The following TMEM132D variants were observed in gnomAD, a reference collection of about 807,000 sequenced individuals.
TMEM132D encodes mature OL transmembrane protein.
TMEM132D carries 21 observed loss-of-function variants against 62.3 expected under a neutral mutation model. The ratio of observed to expected loss-of-function variants is 0.34; its 90% CI spans 0.24 to 0.49. The LOEUF (loss-of-function observed/expected upper bound fraction) is 0.49, where lower values mean the gene tolerates loss of function less well. Among genes scored for constraint, TMEM132D ranks in the 20% least tolerant of loss-of-function variants. The pLI, the probability that TMEM132D is intolerant of heterozygous loss-of-function variation, is 0.99. For synonymous variants in TMEM132D, 621 were observed against 575.6 expected (o/e 1.08, Z -1.13); for missense variants, 1,346 against 1,402.8 (o/e 0.96, Z 0.65).
chr12:129,328,024 G>C (rs1485171798), intron 4 of TMEM132D, among the ~76,000 whole-genome samples: 2 of 152,082 alleles, frequency 1.3e-5, no homozygotes, highest in Non-Finnish European at 2.9e-5. Flanking sequence ...CCTGCTTTGG[G>C]CTTCGGCACC....
intron 2 of TMEM132D, among the ~76,000 whole-genome samples, chr12:129,624,495 G>C (rs1879160413): frequency 2.0e-5 from 3 of 152,186 alleles, no homozygotes; most frequent in African/African-American, 7.2e-5. Context: ...GAGGAGCTTG[G>C]GGAGATAATG....
At chr12:129,710,041 G>A (rs943152379) in intron 1 of TMEM132D, among the ~76,000 whole-genome samples, 8 of 152,104 alleles carry the variant, frequency 5.3e-5, no homozygotes, top group African/African-American at 1.4e-4. Flanking sequence ...CAGGACAAAA[G>A]AAATGTGAAA....
In TMEM132D at chr12:129,074,334, G is replaced by T. The variant is rs2135602641; in HGVS notation, c.2841C>A (p.His947Gln). Residue 947 changes from histidine to glutamine, a missense_variant, in exon 9 of 9, where the codon CAC becomes CAA. By Grantham distance (24) the His-to-Gln change is conservative (BLOSUM62 0). Transcript: ENST00000422113. The part of the protein sequence containing the change: ...NCVTFALKYR[H>Q]KQVPFEEQEG... ...CCTGCTCCTCGAAGGGAACCTGTTT[G>T]TGTCTGTATTTTAATGCAAAGGTCA... The T allele has an allele frequency of 3.1e-6, 5 of 1,614,068 alleles. No individual in the cohort carries two copies. The highest frequency in any genetic ancestry group is 2.5e-6 in the Non-Finnish European group (3 of 1,180,020).
chr12:129,768,306 A>T lies in TMEM132D; in HGVS notation c.80-67608T>A, dbSNP rs74789222. ...TAAGGAAATGCCATATTGTTTCCAT[A>T]GCAGCTGTAAATTTTACATTCCCAT... On this transcript the variant is annotated intron_variant, in intron 1 of 8. Transcript: ENST00000422113. Among the ~76,000 whole-genome samples the T allele has an allele frequency of 7.7e-3, 1,177 of 152,226 alleles. 13 individuals are homozygous for T. Among genetic ancestry groups the T allele is most frequent in the African/African-American group, 0.026 (1,074 of 41,542 alleles).
At position 129,431,808 on chromosome 12, in the gene TMEM132D, T is replaced by C. The variant is rs546919679; in HGVS notation, c.1116-93991A>G. Among the ~76,000 whole-genome samples, 4 of 152,306 alleles carry C rather than the reference T, an allele frequency of 2.6e-5. No homozygotes were observed. In the South Asian group the frequency reaches 8.3e-4, roughly 32 times the overall value. On this transcript the variant is annotated intron_variant, in intron 3 of 8. Coordinates refer to ENST00000422113, the MANE Select transcript of TMEM132D (RefSeq NM_133448.3). ...GTCTAGTCTTTGCCTATGTCTTTGG[T>C]CCACCTCCCCTCATGCCCTGTTGCT...
chr12:129,505,568 T>C (rs1875305752), intron 3 of TMEM132D, among the ~76,000 whole-genome samples: 1 of 152,102 alleles, frequency 6.6e-6, no homozygotes. Flanking sequence ...TTTAAGTCCA[T>C]TGTTTTTTTG....
At chr12:129,869,509 C>T (rs1177476695) in intron 1 of TMEM132D, among the ~76,000 whole-genome samples, 2 of 152,080 alleles carry the variant, frequency 1.3e-5, no homozygotes, top group South Asian at 2.1e-4. Flanking sequence ...GTTGTTACGC[C>T]GTATTGCTTT....
Position 129,867,545 on chromosome 12 carries a change from T to C in TMEM132D, c.79+35716A>G, listed in dbSNP as rs148378781. 6.6e-6 allele frequency among the ~76,000 whole-genome samples: 1 copy of C among 152,174 alleles called. No individual in the cohort carries two copies. The highest frequency in any genetic ancestry group is 1.5e-5 in the Non-Finnish European group (1 of 68,038). On this transcript the variant is annotated intron_variant, in intron 1 of 8. Transcript: ENST00000422113. This position sits in a 1 kb window ranked among gnomAD's most constrained non-coding sequence, Gnocchi z 4.5. ...GAATGAACCGCAGAAGGACTAAAATTAATAATTCTGTATAGTGTCCTTGAA... is the reference window on the plus strand; with the variant it reads ...GAATGAACCGCAGAAGGACTAAAATCAATAATTCTGTATAGTGTCCTTGAA...
chr12:129,497,133 C>T (rs756754030), intron 3 of TMEM132D, among the ~76,000 whole-genome samples: 9 of 152,126 alleles, frequency 5.9e-5, no homozygotes, highest in Non-Finnish European at 1.2e-4. Context: ...CATAGTGAAA[C>T]CCCGTCTCTG....
chr12:129,246,291 G>A (rs963444934), intron 4 of TMEM132D, among the ~76,000 whole-genome samples: 2 of 152,166 alleles, frequency 1.3e-5, no homozygotes, highest in Admixed American at 6.6e-5. Context: ...AATCTGGGGA[G>A]GAGTGTCCAC....
chr12:129,553,138 G>A (rs578047237), intron 2 of TMEM132D, among the ~76,000 whole-genome samples: 5 of 152,240 alleles, frequency 3.3e-5, no homozygotes, highest in South Asian at 2.1e-4. Context: ...AGTGTTGCGC[G>A]TTTGCTCCCA....
rs1446636715 is a variant in TMEM132D at position 129,903,191 on chromosome 12, T to TCCACACACTC, written c.79+60_79+69dup. 1.7e-5 allele frequency: 25 copies of TCCACACACTC among 1,502,680 alleles called. No homozygotes were observed. The highest frequency in any genetic ancestry group is 3.9e-5 in the Admixed American group (2 of 50,650). The allele number at this position is 1,502,680 out of a possible 1,614,324, so 93.1% of individuals were successfully genotyped here. A position where few individuals can be genotyped will look rare whatever the true frequency, so the allele number is the denominator to read the frequency against. Reference sequence around the variant, plus strand: ...CCCTCTCTCCCGGCCGCCCCCATCCTCCACACACTCCCACACACTCACTCC... The same window carrying TCCACACACTC: ...CCCTCTCTCCCGGCCGCCCCCATCCTCCACACACTCCCACACACTCCCACACACTCACTCC... On this transcript the variant is annotated intron_variant, in intron 1 of 8. Transcript: ENST00000422113. This position sits in a 1 kb window ranked among gnomAD's most constrained non-coding sequence, Gnocchi z 6.2.
At chr12:129,269,321 G>T (rs34009802) in intron 4 of TMEM132D, among the ~76,000 whole-genome samples, 35,941 of 146,006 alleles carry the variant, frequency 0.25, 4,378 homozygotes, top group Middle Eastern at 0.3. Flanking sequence ...ATTACCTGAT[G>T]GTATTTTTTG....
At chr12:129,311,472 T>A (rs1292986019) in intron 4 of TMEM132D, among the ~76,000 whole-genome samples, 2 of 152,216 alleles carry the variant, frequency 1.3e-5, no homozygotes, top group Admixed American at 1.3e-4. Context: ...GCCCACAATG[T>A]TCCAGTTGAT....
At chr12:129,080,635 G>T (rs963638461) in intron 7 of TMEM132D, among the ~76,000 whole-genome samples, 1 of 152,096 alleles carries the variant, frequency 6.6e-6, no homozygotes, top group Non-Finnish European at 1.5e-5. Flanking sequence ...TAAGACAATC[G>T]CATTGCCTGC....
intron 2 of TMEM132D, among the ~76,000 whole-genome samples, chr12:129,647,121 C>CATACATATATATATATATAT (rs968615665): frequency 8.9e-5 from 13 of 146,460 alleles, no homozygotes; most frequent in South Asian, 2.2e-4. Context: ...TACATACATA[C>CATACATATATATATATATAT]ATATATATAT....
intron 2 of TMEM132D, among the ~76,000 whole-genome samples, chr12:129,592,524 G>A (rs967017951): frequency 6.6e-6 from 1 of 152,150 alleles, no homozygotes; most frequent in Non-Finnish European, 1.5e-5. Context: ...AATATGATAT[G>A]TGCATAAAAT....
At chr12:129,511,809 A>G (rs909139484) in intron 3 of TMEM132D, among the ~76,000 whole-genome samples, 3 of 152,208 alleles carry the variant, frequency 2.0e-5, no homozygotes, top group African/African-American at 7.2e-5. Flanking sequence ...TATTGTTTTC[A>G]CTTTTATCAC....
chr12:129,664,248 C>G (rs1880316887), intron 2 of TMEM132D, among the ~76,000 whole-genome samples: 2 of 152,116 alleles, frequency 1.3e-5, no homozygotes, highest in East Asian at 1.9e-4. Context: ...ACAGCTCAGG[C>G]CACTGGCCTC....
Sources: gnomAD v4.1 joint callset for allele counts (sites outside exome capture counted in the v4.1 genomes callset) on GRCh38, gnomAD v4.1.1 for gene constraint, Gnocchi (gnomAD v3.1) non-coding constraint, MANE v1.5 for transcripts, NCBI Gene and HGNC (gene_info 2026-07-23, HGNC 2026-07-21) for gene names.